Variants in RCAN1 observed in about 807,000 individuals in gnomAD.
RCAN1 encodes regulator of calcineurin 1.
In RCAN1, 11 loss-of-function variants were observed where a neutral mutation model predicts 22.9. The observed-to-expected ratio is 0.48, with a 90% CI of 0.30 to 0.79. The LOEUF (loss-of-function observed/expected upper bound fraction) is 0.79, where lower values mean the gene tolerates loss of function less well. Among genes scored for constraint, RCAN1 ranks in the 30% least tolerant of loss-of-function variants. The pLI is 0.06. For synonymous variants in RCAN1, 136 were observed against 142.3 expected (o/e 0.96, Z 0.32); for missense variants, 291 against 337.8 (o/e 0.86, Z 1.09).
chr21:34,585,483 C>G (rs1987757168), intron 1 of RCAN1, among the ~76,000 whole-genome samples: 2 of 152,104 alleles, frequency 1.3e-5, no homozygotes, highest in Admixed American at 6.5e-5. Context: ...GTGGCTCACA[C>G]CTGTAATCCC....
At chr21:34,580,946 G>A (rs1213934742) in intron 1 of RCAN1, among the ~76,000 whole-genome samples, 2 of 152,178 alleles carry the variant, frequency 1.3e-5, no homozygotes, top group African/African-American at 4.8e-5. Context: ...GAGGTCTATG[G>A]AAAAGGAGGG....
At chr21:34,543,217 A>G (rs1174827364) in intron 1 of RCAN1, among the ~76,000 whole-genome samples, 1 of 152,246 alleles carries the variant, frequency 6.6e-6, no homozygotes, top group Non-Finnish European at 1.5e-5. Flanking sequence ...GTTGCCATAC[A>G]TGGAAGAAGG....
intron 1 of RCAN1, among the ~76,000 whole-genome samples, chr21:34,578,617 G>A (rs1386220146): frequency 6.6e-6 from 1 of 152,172 alleles, no homozygotes. Context: ...TCTGGGCCCT[G>A]GGGGAATGGA....
intron 1 of RCAN1, among the ~76,000 whole-genome samples, chr21:34,601,608 GGAGATCGA>G (rs1243684642): frequency 6.6e-6 from 1 of 152,180 alleles, no homozygotes; most frequent in Non-Finnish European, 1.5e-5. Context: ...CACGAGGTCA[GGAGATCGA>G]GATCATCTTG....
chr21:34,517,978 C>A lies in RCAN1; in HGVS notation c.*106G>T, dbSNP rs1984167752. On this transcript the variant is annotated 3_prime_UTR_variant, in exon 4 of 4. Transcript: ENST00000313806. The stretch of plus-strand genomic sequence containing the variant: ...GCAACATGAACTGGGATTTCTGCCA[C>A]CCCGATCTCGGCTGCCACCTCCGAA... 1.5e-5 allele frequency: 21 copies of A among 1,402,630 alleles called. No homozygotes were observed. The highest frequency in any genetic ancestry group is 2.1e-5 in the Non-Finnish European group (21 of 1,012,544). 86.9% of individuals were successfully genotyped at this position (1,402,630 alleles called of 1,614,324 possible). A position where few individuals can be genotyped will look rare whatever the true frequency, so the allele number is the denominator to read the frequency against.
rs546364151 is a variant in RCAN1, at chr21:34,576,364, C to T, written c.252+38396G>A. 4.6e-5 allele frequency among the ~76,000 whole-genome samples: 7 copies of T among 152,292 alleles called. No homozygotes were observed. The East Asian group carries it at 1.2e-3, about 25-fold the overall frequency. ...TTTCTGGCAATAAGAGTTGGGGCCC[C>T]TCCAACGGCAGGGATCTGGACAGCT... is the stretch of plus-strand genomic sequence containing the variant. On this transcript the variant is annotated intron_variant, in intron 1 of 3. Coordinates refer to ENST00000313806, the MANE Select transcript of RCAN1 (RefSeq NM_004414.7).
intron 1 of RCAN1, among the ~76,000 whole-genome samples, chr21:34,548,960 T>C (rs574764211): frequency 1.2e-4 from 18 of 152,360 alleles, no homozygotes; most frequent in Non-Finnish European, 2.4e-4. Flanking sequence ...GTAGGTTTGA[T>C]GATTTTGCCA....
At chr21:34,549,016 T>G (rs1174497649) in intron 1 of RCAN1, among the ~76,000 whole-genome samples, 2 of 152,232 alleles carry the variant, frequency 1.3e-5, no homozygotes, top group Non-Finnish European at 2.9e-5. Flanking sequence ...ACACCCAGGA[T>G]AGGGACTATG....
At chr21:34,592,486 A>G (rs1167777035) in intron 1 of RCAN1, among the ~76,000 whole-genome samples, 1 of 152,130 alleles carries the variant, frequency 6.6e-6, no homozygotes, top group African/African-American at 2.4e-5. Flanking sequence ...AGCAGAGGGG[A>G]GCAAAGTCCC....
At chr21:34,521,792 A>C in intron 2 of RCAN1, 134 bp from the exon 3 acceptor site, 2 of 708,842 alleles carry the variant, frequency 2.8e-6, no homozygotes, top group South Asian at 1.9e-5. Context: ...TCCAGGACCA[A>C]TTGTAAGATG....
chr21:34,527,024 A>G (rs1985108968), intron 1 of RCAN1: 6 of 1,184,138 alleles, frequency 5.1e-6, no homozygotes, highest in East Asian at 9.8e-5. Flanking sequence ...CATTTTCCCT[A>G]TGCTAATTAA....
intron 1 of RCAN1, chr21:34,527,002 C>G: frequency 7.8e-7 from 1 of 1,285,344 alleles, no homozygotes; most frequent in Non-Finnish European, 9.8e-7. Context: ...GAGGTGACGT[C>G]AACACCTTAG....
chr21:34,530,057 C>T (rs1307911509), intron 1 of RCAN1, among the ~76,000 whole-genome samples: 1 of 152,154 alleles, frequency 6.6e-6, no homozygotes, highest in Admixed American at 6.5e-5. Context: ...TTTTTCTTCC[C>T]AGTCTTGGGT....
intron 1 of RCAN1, among the ~76,000 whole-genome samples, chr21:34,531,751 A>G (rs1985399599): frequency 6.6e-6 from 1 of 152,094 alleles, no homozygotes; most frequent in South Asian, 2.1e-4. Flanking sequence ...CAAATGGCTT[A>G]TATGCCTCAA....
intron 1 of RCAN1, among the ~76,000 whole-genome samples, chr21:34,592,412 A>C (rs1224066030): frequency 6.6e-6 from 1 of 152,206 alleles, no homozygotes; most frequent in Non-Finnish European, 1.5e-5. Context: ...ATAAACCCCA[A>C]GGATCAGGGC....
At chr21:34,588,390 G>T (rs567838215) in intron 1 of RCAN1, among the ~76,000 whole-genome samples, 1 of 152,288 alleles carries the variant, frequency 6.6e-6, no homozygotes, top group East Asian at 1.9e-4. Flanking sequence ...TGATATGGGT[G>T]TGTTTATTTT....
At chr21:34,526,218 A>C (rs190417119) in intron 1 of RCAN1, among the ~76,000 whole-genome samples, 1 of 152,350 alleles carries the variant, frequency 6.6e-6, no homozygotes, top group East Asian at 1.9e-4. Context: ...TTGTTAGAGA[A>C]ATCTGGGAGC....
intron 1 of RCAN1, among the ~76,000 whole-genome samples, chr21:34,607,264 A>C (rs950984971): frequency 1.3e-5 from 2 of 152,236 alleles, no homozygotes; most frequent in African/African-American, 4.8e-5. Context: ...TCCATGTTAA[A>C]CTATAGTGGC....
chr21:34,591,252 G>T (rs1363375953), intron 1 of RCAN1, among the ~76,000 whole-genome samples: 3 of 152,152 alleles, frequency 2.0e-5, no homozygotes, highest in African/African-American at 7.2e-5. Flanking sequence ...AGGAAAAGAT[G>T]GACAATCTGT....
Sources: allele counts gnomAD v4.1 joint callset (sites outside exome capture counted in the v4.1 genomes callset), GRCh38; gene constraint gnomAD v4.1.1; transcripts MANE v1.5; gene names NCBI Gene and HGNC (gene_info 2026-07-23, HGNC 2026-07-21).